Variants in CNTN4 observed in about 807,000 individuals in gnomAD.
CNTN4 encodes contactin 4.
A neutral mutation model predicts 122.5 loss-of-function variants in CNTN4; 77 were observed. The ratio of observed to expected loss-of-function variants is 0.63; its 90% CI spans 0.52 to 0.76. The LOEUF is 0.76. Among genes scored for constraint, CNTN4 ranks in the 30% least tolerant of loss-of-function variants. CNTN4 has a pLI of 0.00. For synonymous variants in CNTN4, 512 were observed against 447.0 expected (o/e 1.15, Z -1.83); for missense variants, 1,256 against 1,259.1 (o/e 1.00, Z 0.04).
intron 23 of CNTN4, among the ~76,000 whole-genome samples, chr3:3,053,476 T>C (rs1404539573): frequency 6.6e-6 from 1 of 152,272 alleles, no homozygotes; most frequent in Non-Finnish European, 1.5e-5. Context: ...AAAGCACCGA[T>C]GTGTAACTGA....
At chr3:2,670,080 G>T (rs1321361721) in intron 4 of CNTN4, among the ~76,000 whole-genome samples, 4 of 152,128 alleles carry the variant, frequency 2.6e-5, no homozygotes, top group Admixed American at 1.3e-4. Context: ...TTGATTTGCG[G>T]GGAGAGTTCT....
At chr3:2,993,299 A>ATTTTTTT (rs576176618) in intron 14 of CNTN4, among the ~76,000 whole-genome samples, 1 of 143,892 alleles carries the variant, frequency 6.9e-6, no homozygotes, top group Non-Finnish European at 1.5e-5. Context: ...AGACTGTGTA[A>ATTTTTTT]TTTTTTTTTT....
chr3:2,433,911 G>A (rs1242171508), intron 3 of CNTN4, among the ~76,000 whole-genome samples: 1 of 152,076 alleles, frequency 6.6e-6, no homozygotes, highest in Non-Finnish European at 1.5e-5. Context: ...AGGCGCAGAA[G>A]GACAAATACC....
intron 3 of CNTN4, among the ~76,000 whole-genome samples, chr3:2,538,067 A>G (rs1434132995): frequency 6.6e-6 from 1 of 152,048 alleles, no homozygotes; most frequent in East Asian, 1.9e-4. Flanking sequence ...GTGATATCAT[A>G]TAGAAGTATG....
chr3:2,626,038 G>A (rs994162185), intron 4 of CNTN4, among the ~76,000 whole-genome samples: 3 of 152,104 alleles, frequency 2.0e-5, no homozygotes, highest in Admixed American at 6.6e-5. Context: ...GCAATTAGAC[G>A]TCTCCTTATT....
intron 3 of CNTN4, among the ~76,000 whole-genome samples, chr3:2,470,070 C>CT (rs35030608): frequency 0.15 from 21,257 of 146,390 alleles, 1,752 homozygotes; most frequent in Middle Eastern, 0.22. Context: ...ATGTTGCTTT[C>CT]TTTTTTTTTT....
chr3:2,272,167 G>GT (rs35450429), intron 2 of CNTN4, among the ~76,000 whole-genome samples: 13 of 151,634 alleles, frequency 8.6e-5, no homozygotes, highest in Admixed American at 2.6e-4. Flanking sequence ...AAAATTACAA[G>GT]TTTTTTTTCT....
At chr3:2,943,301 GAA>G (rs2094635188) in intron 13 of CNTN4, among the ~76,000 whole-genome samples, 1 of 152,084 alleles carries the variant, frequency 6.6e-6, no homozygotes, top group Non-Finnish European at 1.5e-5. Flanking sequence ...ACCTAAAACT[GAA>G]TAGCTAAATC....
intron 3 of CNTN4, among the ~76,000 whole-genome samples, chr3:2,559,417 C>T (rs937672867): frequency 1.3e-5 from 2 of 152,026 alleles, no homozygotes; most frequent in East Asian, 1.9e-4. Flanking sequence ...GAAAGGTATA[C>T]TAAAGAAATA....
chr3:2,182,531 T>G (rs1321235207), intron 2 of CNTN4, among the ~76,000 whole-genome samples: 1 of 152,144 alleles, frequency 6.6e-6, no homozygotes, highest in African/African-American at 2.4e-5. Flanking sequence ...ATATATATTA[T>G]GAACTATCTG....
At chr3:2,864,896 A>T (rs1476999960) in intron 7 of CNTN4, among the ~76,000 whole-genome samples, 1 of 152,044 alleles carries the variant, frequency 6.6e-6, no homozygotes, top group East Asian at 1.9e-4. Context: ...TAATTAGGGG[A>T]TAGGTAATCT....
At chr3:2,495,807 T>C (rs2076438444) in intron 3 of CNTN4, among the ~76,000 whole-genome samples, 1 of 152,200 alleles carries the variant, frequency 6.6e-6, no homozygotes, top group South Asian at 2.1e-4. Context: ...CAGTCCCTGC[T>C]GCCAAAAAGG....
intron 2 of CNTN4, among the ~76,000 whole-genome samples, chr3:2,262,699 T>C (rs2040884731): frequency 6.6e-6 from 1 of 151,516 alleles, no homozygotes; most frequent in Admixed American, 6.6e-5. Context: ...AGACTCAAGA[T>C]GACTTTAAAT....
At chr3:2,579,135 A>G (rs1048376266) in intron 4 of CNTN4, among the ~76,000 whole-genome samples, 3 of 152,224 alleles carry the variant, frequency 2.0e-5, no homozygotes, top group Admixed American at 6.6e-5. Flanking sequence ...GAATGGGTCC[A>G]TTAGATATGC....
intron 3 of CNTN4, among the ~76,000 whole-genome samples, chr3:2,444,015 C>T (rs150569181): frequency 6.6e-6 from 1 of 152,130 alleles, no homozygotes; most frequent in African/African-American, 2.4e-5. Flanking sequence ...CTGGATAGCC[C>T]CAGCCACCTT....
At chr3:2,161,311 A>G (rs555136254) in intron 2 of CNTN4, among the ~76,000 whole-genome samples, 1 of 152,206 alleles carries the variant, frequency 6.6e-6, no homozygotes, top group Admixed American at 6.5e-5. Context: ...AATAAATGGA[A>G]TGTTATTGAA....
intron 6 of CNTN4, among the ~76,000 whole-genome samples, chr3:2,781,272 G>A (rs1462026403): frequency 6.6e-6 from 1 of 152,156 alleles, no homozygotes; most frequent in Non-Finnish European, 1.5e-5. Context: ...TTGAAACTAT[G>A]GAGAAAATAG....
At chr3:2,800,267 G>A (rs2092316305) in intron 6 of CNTN4, among the ~76,000 whole-genome samples, 1 of 151,966 alleles carries the variant, frequency 6.6e-6, no homozygotes, top group Non-Finnish European at 1.5e-5. Context: ...TTTCGTCATT[G>A]TGCATGTTGT....
At chr3:2,637,128 G>A (rs1309813870) in intron 4 of CNTN4, among the ~76,000 whole-genome samples, 1 of 151,620 alleles carries the variant, frequency 6.6e-6, no homozygotes, top group Non-Finnish European at 1.5e-5. Flanking sequence ...TTTTAGTAGA[G>A]ACAGTGTTTC....
Sources: gnomAD v4.1 joint callset for allele counts (sites outside exome capture counted in the v4.1 genomes callset) on GRCh38, gnomAD v4.1.1 for gene constraint, MANE v1.5 for transcripts, NCBI Gene and HGNC (gene_info 2026-07-23, HGNC 2026-07-21) for gene names.